PROCA1: variants seen among roughly 807,000 people sequenced by gnomAD.
PROCA1 encodes protein interacting with cyclin A1.
In PROCA1, 22 loss-of-function variants were observed where a neutral mutation model predicts 23.2. The observed-to-expected ratio is 0.95, with a 90% confidence interval of 0.68 to 1.35. PROCA1 has a LOEUF of 1.35. PROCA1 is among the 40% of genes most tolerant of loss of function. The pLI, the probability that PROCA1 is intolerant of heterozygous loss-of-function variation, is 0.00. For missense variants in PROCA1, 469 were observed against 459.8 expected, an observed-to-expected ratio of 1.02 and a Z score of -0.18; for synonymous variants, 182 against 179.2, an observed-to-expected ratio of 1.02 and a Z score of -0.12.
chr17:28,703,748 T>C lies in PROCA1; in HGVS notation c.905A>G (p.Glu302Gly). ...MSESSPESRE[E>G]LESEDSYNGR... is the part of the protein sequence containing the mutation. ...ATTGTAACTGTCCTCGCTCTCCAGC[T>C]CTTCCCGGCTTTCTGGGCTGGACTC... The change falls in exon 5 of 5, where the codon GAG becomes GGG. Residue 302 changes from glutamate to glycine, a missense_variant. By Grantham distance (98) the Glu-to-Gly change is moderately conservative. Transcript: ENST00000682792. The C allele has an allele frequency of 6.2e-7, 1 of 1,614,140 alleles. No homozygotes were observed. The highest frequency in any genetic ancestry group is 8.5e-7 in the Non-Finnish European group (1 of 1,180,040).
At chr17:28,704,586 C>G (rs2032353419) in intron 3 of PROCA1, 122 bp downstream of exon 3, 1 of 1,560,878 alleles carries the variant, frequency 6.4e-7, no homozygotes, top group East Asian at 2.2e-5. Context: ...GTGTGCAGAG[C>G]TGGGACTGGG....
At position 28,704,191 on chromosome 17, in the gene PROCA1, G is replaced by T; in HGVS notation, c.462C>A (p.Val154=). The T allele has an allele frequency of 6.5e-7, 1 of 1,545,732 alleles. No homozygotes were observed. The highest frequency in any genetic ancestry group is 8.7e-7 in the Non-Finnish European group (1 of 1,149,576). ...RYGWCKSYRP[V]SVAVIHHPLY... ...GTGGATGGTGGATCACTGCCACAGA[G>T]ACAGGTCTGTAGCTTTTGCACCTGG... Residue 154 remains valine, a synonymous_variant, in exon 5 of 5, where the codon GTC becomes GTA. Coordinates refer to ENST00000682792, the MANE Select transcript of PROCA1 (RefSeq NM_001366301.1).
chr17:28,704,244 A>C, intron 4 of PROCA1, 32 bp from the exon 5 acceptor site: 2 of 1,562,730 alleles, frequency 1.3e-6, no homozygotes, highest in Non-Finnish European at 1.7e-6. Flanking sequence ...GAAGTTTGAC[A>C]GAGAGTGGGG....
chr17:28,711,009 G>GGAGGGAAGGAGTAGGGCGGGAAGC, intron 1 of PROCA1: 1 of 1,211,100 alleles, frequency 8.3e-7, no homozygotes, highest in Non-Finnish European at 1.1e-6. Flanking sequence ...GGGCGGGAAG[G>GGAGGGAAGGAGTAGGGCGGGAAGC]GAGGGAAGAA....
chr17:28,707,209 C>A (rs1045710080), intron 1 of PROCA1: 1 of 163,858 alleles, frequency 6.1e-6, no homozygotes, highest in Non-Finnish European at 1.3e-5. Flanking sequence ...CCTAAGCAGA[C>A]CTCCAACTGG....
At chr17:28,708,269 T>G (rs1467981679) in intron 1 of PROCA1, among the ~76,000 whole-genome samples, 1 of 152,172 alleles carries the variant, frequency 6.6e-6, no homozygotes, top group Non-Finnish European at 1.5e-5. Flanking sequence ...CCTCCCAAAG[T>G]GTTGGGATTA....
chr17:28,708,329 A>C (rs756335690), intron 1 of PROCA1, among the ~76,000 whole-genome samples: 1 of 152,050 alleles, frequency 6.6e-6, no homozygotes, highest in Non-Finnish European at 1.5e-5. Flanking sequence ...TGACCAATGA[A>C]TCTCCTTCTT....
Position 28,703,551 on chromosome 17 carries a change from C to G in PROCA1, c.*7G>C. On this transcript the variant is annotated 3_prime_UTR_variant, in exon 5 of 5. Transcript: ENST00000682792. ...GGCATTTATTCTGCACCCTGACCAC[C>G]CTGGCCTCAACTGAGGTTGGGGTTT... 6.2e-7 allele frequency: 1 copy of G among 1,611,232 alleles called. No homozygotes were observed. Among genetic ancestry groups the G allele is most frequent in the South Asian group, 1.1e-5 (1 of 90,662 alleles).
intron 2 of PROCA1, 26 bp from the exon 3 acceptor site, chr17:28,704,869 CAGT>C: frequency 6.2e-7 from 1 of 1,608,568 alleles, no homozygotes; most frequent in Non-Finnish European, 8.5e-7. Context: ...TCTGGGTCAT[CAGT>C]AGCAGCCGCA....
chr17:28,711,609 C>T lies in PROCA1; in HGVS notation c.52G>A (p.Glu18Lys). ...TCATCCCACGAGCGGGCCTTGGGCT[C>T]GGTCTTTTCCTTAGTCCATCTTTCA... is the stretch of plus-strand genomic sequence containing the variant. ...TIERWTKEKT[E>K]PKARSWDESR... Residue 18 changes from glutamate (E) to lysine (K), a missense_variant, in exon 1 of 5, where the codon GAG becomes AAG. By Grantham distance (56) the Glu-to-Lys change is moderately conservative. Coordinates refer to ENST00000682792, the MANE Select transcript of PROCA1 (RefSeq NM_001366301.1). 3.1e-6 allele frequency: 5 copies of T among 1,612,302 alleles called. No homozygotes were observed. Among genetic ancestry groups the T allele is most frequent in the Non-Finnish European group, 3.4e-6 (4 of 1,179,520 alleles).
At chr17:28,706,583 C>T in intron 2 of PROCA1, 97 bp downstream of exon 2, 1 of 856,074 alleles carries the variant, frequency 1.2e-6, no homozygotes. Flanking sequence ...CCACACTTCC[C>T]TCCCTCCCTG....
At chr17:28,710,449 G>A (rs1196969823) in intron 1 of PROCA1, among the ~76,000 whole-genome samples, 1 of 149,764 alleles carries the variant, frequency 6.7e-6, no homozygotes, top group East Asian at 2.0e-4. Flanking sequence ...GGAGTTTGCA[G>A]TGAGCCGATA....
At chr17:28,709,785 T>A (rs2032694597) in intron 1 of PROCA1, among the ~76,000 whole-genome samples, 2 of 150,026 alleles carry the variant, frequency 1.3e-5, no homozygotes, top group Non-Finnish European at 3.0e-5. Context: ...TCACTTGAGG[T>A]CCGGAGTTTG....
intron 1 of PROCA1, chr17:28,706,976 G>C (rs1198968353): frequency 3.0e-6 from 1 of 334,076 alleles, no homozygotes; most frequent in African/African-American, 2.5e-5. Context: ...AGAGGGACAC[G>C]GGAGGTTCAT....
chr17:28,710,874 T>C, intron 1 of PROCA1: 1 of 1,302,878 alleles, frequency 7.7e-7, no homozygotes, highest in South Asian at 1.2e-5. Flanking sequence ...AACTCACAAG[T>C]TATGCTCATC....
At chr17:28,707,370 T>C (rs2032561718) in intron 1 of PROCA1, 1 of 152,730 alleles carries the variant, frequency 6.5e-6, no homozygotes, top group South Asian at 2.1e-4. Context: ...AAGCCTTCAG[T>C]GGCACTTGGT....
rs934924631 is a variant in PROCA1 at position 28,711,760 on chromosome 17, C to A, written c.-100G>T. 3.9e-6 allele frequency: 4 copies of A among 1,031,458 alleles called. No homozygotes were observed. Among genetic ancestry groups the A allele is most frequent in the Non-Finnish European group, 5.4e-6 (4 of 736,638 alleles). 63.9% of individuals were successfully genotyped at this position (1,031,458 alleles called of 1,614,324 possible). A position where few individuals can be genotyped will look rare whatever the true frequency, so the allele number is the denominator to read the frequency against. On this transcript the variant is annotated 5_prime_UTR_variant, in exon 1 of 5. Transcript: ENST00000682792. ...CCTCGGCCCAGCCGTGAACTCCAGTCTCGGCTTCGCCCCCGCCTAGCCCCT... is the reference window on the plus strand; with the variant it reads ...CCTCGGCCCAGCCGTGAACTCCAGTATCGGCTTCGCCCCCGCCTAGCCCCT...
chr17:28,710,999 G>A, intron 1 of PROCA1: 1 of 1,230,026 alleles, frequency 8.1e-7, no homozygotes, highest in Non-Finnish European at 1.1e-6. Flanking sequence ...GGAAGGAGTA[G>A]GGCGGGAAGG....
Position 28,711,557 on chromosome 17 carries a change from C to G in PROCA1, c.91+13G>C. 2 of 1,605,092 alleles carry G rather than the reference C, an allele frequency of 1.2e-6. No homozygotes were observed. The highest frequency in any genetic ancestry group is 2.3e-5 in the East Asian group (1 of 44,360). On this transcript the variant is annotated intron_variant, in intron 1 of 4. Transcript: ENST00000682792. ...CCGCGCCCTCTGCCCAGCCCCTGCC[C>G]CGCCCCTCTTACCGCGGCATCTGCT...
Sources: gnomAD v4.1 joint callset for allele counts (sites outside exome capture counted in the v4.1 genomes callset) on GRCh38, gnomAD v4.1.1 for gene constraint, MANE v1.5 for transcripts, NCBI Gene and HGNC (gene_info 2026-07-23, HGNC 2026-07-21) for gene names.